MELK: variants seen among roughly 807,000 people sequenced by gnomAD.
MELK encodes the protein maternal embryonic leucine zipper kinase, also known as pEg3 kinase.
Under a neutral mutation model 85.0 loss-of-function variants are expected in MELK, and 81 were observed. The ratio of observed to expected loss-of-function variants is 0.95; its 90% CI spans 0.80 to 1.15. MELK has a LOEUF of 1.15. Among genes scored for constraint, MELK ranks in the 50% most tolerant of loss-of-function variants. MELK has a pLI of 0.00. For synonymous variants in MELK, 252 were observed against 265.0 expected (o/e 0.95, Z 0.48); for missense variants, 754 against 777.5 (o/e 0.97, Z 0.36).
intron 3 of MELK, among the ~76,000 whole-genome samples, chr9:36,584,440 CCTGAGTAG>C (rs1294634135): frequency 6.6e-6 from 1 of 150,512 alleles, no homozygotes; most frequent in African/African-American, 2.4e-5. Context: ...GCCTCAGCCT[CCTGAGTAG>C]CTGGGACTAC....
intron 15 of MELK, among the ~76,000 whole-genome samples, chr9:36,670,654 T>C (rs1339718111): frequency 1.3e-5 from 2 of 151,656 alleles, no homozygotes; most frequent in East Asian, 1.9e-4. Flanking sequence ...AGAAAGCAAA[T>C]GTGGCAAAAT....
chr9:36,666,906 T>TGTGTGTGTGA (rs1294435206), intron 14 of MELK, among the ~76,000 whole-genome samples: 1 of 124,804 alleles, frequency 8.0e-6, no homozygotes, highest in African/African-American at 3.0e-5. Flanking sequence ...TGTGTGTGTG[T>TGTGTGTGTGA]GATGGTGTGT....
In MELK at chr9:36,666,404, C is replaced by T. The variant is rs534359837; in HGVS notation, c.1408+823C>T. ...TAGTAGGGGCCATACCTGTCTGGTA[C>T]ATAGTACACAGTACTAGACCTGATG... is the stretch of plus-strand genomic sequence containing the variant. On this transcript the variant is annotated intron_variant, in intron 14 of 17. Transcript: ENST00000298048. Among the ~76,000 whole-genome samples, 25 of 152,230 alleles carry T rather than the reference C, an allele frequency of 1.6e-4. 1 individual carries two copies. In the South Asian group the frequency reaches 5.2e-3, roughly 32 times the overall value.
chr9:36,629,438 C>T (rs1247741424), intron 8 of MELK, among the ~76,000 whole-genome samples: 1 of 152,242 alleles, frequency 6.6e-6, no homozygotes, highest in East Asian at 1.9e-4. Context: ...TCTGAGTATA[C>T]TAGGTTGTAT....
intron 8 of MELK, among the ~76,000 whole-genome samples, chr9:36,626,616 C>T (rs1261845348): frequency 6.6e-6 from 1 of 152,084 alleles, no homozygotes; most frequent in African/African-American, 2.4e-5. Flanking sequence ...GAAATAAAAA[C>T]TCTTCCTCCC....
intron 8 of MELK, among the ~76,000 whole-genome samples, chr9:36,608,494 T>A (rs1418135777): frequency 6.6e-6 from 1 of 151,838 alleles, no homozygotes; most frequent in Non-Finnish European, 1.5e-5. Context: ...CATCCATGGG[T>A]GTCTTGGAAA....
At chr9:36,626,542 G>A (rs1827944755) in intron 8 of MELK, among the ~76,000 whole-genome samples, 1 of 152,194 alleles carries the variant, frequency 6.6e-6, no homozygotes, top group African/African-American at 2.4e-5. Flanking sequence ...AGGCTCTGGA[G>A]AACTTTGTAA....
At chr9:36,609,750 CCTT>C (rs1384105099) in intron 8 of MELK, among the ~76,000 whole-genome samples, 2 of 152,108 alleles carry the variant, frequency 1.3e-5, no homozygotes. Context: ...CTGTGCCTGG[CCTT>C]CTGAATGCTT....
chr9:36,663,957 A>G (rs1832099519), intron 13 of MELK, among the ~76,000 whole-genome samples: 1 of 152,242 alleles, frequency 6.6e-6, no homozygotes, highest in Admixed American at 6.5e-5. Flanking sequence ...TCTGGAACTT[A>G]GAATAGCCTT....
rs10973005 is a variant in MELK, at chr9:36,630,153, G to T, written c.667-146G>T. 0.049 allele frequency: 33,530 copies of T among 682,720 alleles called. 2,371 individuals are homozygous for T. The highest frequency in any genetic ancestry group is 0.23 in the East Asian group (8,938 of 38,702). The allele number at this position is 682,720 out of a possible 1,614,324, so 42.3% of individuals were successfully genotyped here. On this transcript the variant is annotated intron_variant, in intron 8 of 17. Transcript: ENST00000298048. ...AGCCACCACGCCCAGCCAAGAAATT[G>T]ATTTTTTTTAGTTAATAATGTTTAC...
intron 5 of MELK, among the ~76,000 whole-genome samples, chr9:36,595,479 G>A (rs1824114085): frequency 6.6e-6 from 1 of 151,800 alleles, no homozygotes; most frequent in Non-Finnish European, 1.5e-5. Flanking sequence ...CTATTCTTTC[G>A]CCCTGGCCTC....
In MELK at chr9:36,669,359, A is replaced by G. The variant is rs149745317; in HGVS notation, c.1458A>G (p.Ser486=). The G allele has an allele frequency of 1.2e-6, 2 of 1,609,218 alleles. No individual in the cohort carries two copies. Among genetic ancestry groups the G allele is most frequent in the Non-Finnish European group, 1.7e-6 (2 of 1,178,348 alleles). The part of the protein sequence containing the change: ...KETPIKIPVN[S]TGTDKLMTGV... ...CTCCAATTAAAATACCAGTAAATTC[A>G]ACAGGAACAGACAAGTTAATGACAG... Residue 486 remains serine, a synonymous_variant, in exon 15 of 18, where the codon TCA becomes TCG. Coordinates refer to ENST00000298048, the MANE Select transcript of MELK (RefSeq NM_014791.4).
intron 11 of MELK, among the ~76,000 whole-genome samples, chr9:36,645,035 G>C (rs1405948120): frequency 6.6e-6 from 1 of 152,028 alleles, no homozygotes; most frequent in Admixed American, 6.6e-5. Flanking sequence ...TTGGGAGTCC[G>C]AGGCGGGCGG....
chr9:36,675,476 A>G (rs1419345576), intron 17 of MELK, among the ~76,000 whole-genome samples: 2 of 152,204 alleles, frequency 1.3e-5, no homozygotes, highest in Admixed American at 6.5e-5. Context: ...GGAAAATTCA[A>G]AATTCTTCTG....
At chr9:36,658,730 TC>T (rs58334782) in intron 13 of MELK, among the ~76,000 whole-genome samples, 137,253 of 152,052 alleles carry the variant, frequency 0.9, 61,996 homozygotes, top group East Asian at 0.92. Flanking sequence ...AGACAGAGGC[TC>T]CGCTGTATCG....
At chr9:36,636,830 TG>T (rs5897640) in intron 10 of MELK, among the ~76,000 whole-genome samples, 8,594 of 92,946 alleles carry the variant, frequency 0.092, 893 homozygotes, top group African/African-American at 0.32. Context: ...CTGTCTTTCT[TG>T]TCTTTCTTGT....
chr9:36,618,864 A>G (rs1438141564), intron 8 of MELK, among the ~76,000 whole-genome samples: 1 of 152,206 alleles, frequency 6.6e-6, no homozygotes, highest in Non-Finnish European at 1.5e-5. Flanking sequence ...CTAAATATTA[A>G]CAAAGCTCAA....
In MELK at chr9:36,637,026, G is replaced by T. The variant is rs577311107; in HGVS notation, c.834+3826G>T. Among the ~76,000 whole-genome samples, 324 of 152,004 alleles carry T rather than the reference G, an allele frequency of 2.1e-3. 1 individual carries two copies. The highest frequency in any genetic ancestry group is 7.4e-3 in the African/African-American group (306 of 41,466). On this transcript the variant is annotated intron_variant, in intron 10 of 17. Transcript: ENST00000298048. ...TTTTTGTGTTTTTGGTAGAGACGGG[G>T]TTTCACCATGGTAGCCAGGATGGTC...
At chr9:36,643,134 A>G (rs9298970) in intron 11 of MELK, 51 bp downstream of exon 11, 437,450 of 1,487,716 alleles carry the variant, frequency 0.29, 67,654 homozygotes, top group African/African-American at 0.56. Flanking sequence ...TGTAATCCAA[A>G]CACTTTGGGA....
Sources: gnomAD v4.1 joint callset for allele counts (sites outside exome capture counted in the v4.1 genomes callset) on GRCh38, gnomAD v4.1.1 for gene constraint, MANE v1.5 for transcripts, NCBI Gene and HGNC (gene_info 2026-07-23, HGNC 2026-07-21) for gene names.